ATP2A1: variants seen among roughly 807,000 people sequenced by gnomAD.
The protein encoded by ATP2A1 is ATPase sarcoplasmic/endoplasmic reticulum Ca2+ transporting 1, also known as sarcoplasmic/endoplasmic reticulum calcium ATPase 1.
Under a neutral mutation model 109.5 loss-of-function variants are expected in ATP2A1, and 83 were observed. The ratio of observed to expected loss-of-function variants is 0.76; its 90% CI spans 0.63 to 0.91. The LOEUF (loss-of-function observed/expected upper bound fraction) is 0.91. ATP2A1 is among the 40% of genes least tolerant of loss of function. The pLI, the probability that ATP2A1 is intolerant of heterozygous loss-of-function variation, is 0.00. For synonymous variants in ATP2A1, 505 were observed against 537.6 expected, an observed-to-expected ratio of 0.94 and a Z score of 0.84; for missense variants, 1,101 against 1,341.0, an observed-to-expected ratio of 0.82 and a Z score of 2.80.
At chr16:28,895,674 GAAAACA>G (rs1410305615) in intron 12 of ATP2A1, among the ~76,000 whole-genome samples, 3 of 149,088 alleles carry the variant, frequency 2.0e-5, no homozygotes, top group Admixed American at 6.7e-5. Flanking sequence ...AAAAAAAAAC[GAAAACA>G]AAAACAAAGA....
At position 28,900,907 on chromosome 16, in the gene ATP2A1, C is replaced by T. The variant is rs886051881; in HGVS notation, c.2091C>T (p.Ile697=). Residue 697 remains isoleucine, a synonymous_variant, in exon 15 of 23, where the codon ATC becomes ATT. Coordinates refer to ENST00000395503, the MANE Select transcript of ATP2A1 (RefSeq NM_004320.6). ...AGTACCTGCAGTCCTACGATGAGAT[C>T]ACAGCCATGGTGAGAGGGCCCAGGC... ...IVEYLQSYDE[I]TAMTGDGVND... is the part of the protein sequence containing the mutation. 1 of 1,614,158 alleles carries T rather than the reference C, an allele frequency of 6.2e-7. No individual in the cohort carries two copies. Among genetic ancestry groups the T allele is most frequent in the Admixed American group, 1.7e-5 (1 of 60,020 alleles).
intron 12 of ATP2A1, among the ~76,000 whole-genome samples, chr16:28,896,975 G>C (rs984958240): frequency 1.3e-5 from 2 of 151,896 alleles, no homozygotes; most frequent in African/African-American, 4.8e-5. Flanking sequence ...CAGCTACTTG[G>C]GGGGCTGAGG....
intron 4 of ATP2A1, among the ~76,000 whole-genome samples, chr16:28,881,766 C>T (rs530701939): frequency 6.7e-6 from 1 of 149,368 alleles, no homozygotes; most frequent in Non-Finnish European, 1.5e-5. Context: ...TGCACAATTG[C>T]ACTCCAGCAT....
Position 28,880,200 on chromosome 16 carries a change from C to T in ATP2A1, c.219+617C>T, listed in dbSNP as rs978928184. The stretch of plus-strand genomic sequence containing the variant: ...CCCGCAGGGCATCTCCAGGGCTCTG[C>T]CTCCTCTCCCGCCCTGGGGGCTACT... On this transcript the variant is annotated intron_variant, in intron 3 of 22. Transcript: ENST00000395503. This position sits in a 1 kb window ranked among gnomAD's most constrained non-coding sequence, Gnocchi z 4.2. 14 of 893,580 alleles carry T rather than the reference C, an allele frequency of 1.6e-5. No individual in the cohort carries two copies. The highest frequency in any genetic ancestry group is 3.6e-5 in the African/African-American group (2 of 55,110). The allele number at this position is 893,580 out of a possible 1,614,324, so 55.4% of individuals were successfully genotyped here.
chr16:28,894,446 T>G, intron 10 of ATP2A1, 59 bp from the exon 11 acceptor site: 1 of 1,530,980 alleles, frequency 6.5e-7, no homozygotes, highest in South Asian at 1.2e-5. Flanking sequence ...CCTCTCTGCA[T>G]CTCATTCCCT....
At chr16:28,900,502 C>T (rs1964040898) in intron 14 of ATP2A1, 79 bp from the exon 15 acceptor site, 4 of 644,292 alleles carry the variant, frequency 6.2e-6, no homozygotes, top group East Asian at 9.1e-5. Flanking sequence ...TTCACCCCAT[C>T]CCCACCCCCC....
At chr16:28,901,490 G>C (rs931132211) in intron 15 of ATP2A1, among the ~76,000 whole-genome samples, 2 of 152,094 alleles carry the variant, frequency 1.3e-5, no homozygotes, top group African/African-American at 4.8e-5. Context: ...AAAATTGGCC[G>C]TGCGTGGTGG....
chr16:28,903,694 C>A lies in ATP2A1; in HGVS notation c.2981-6C>A. On this transcript the variant is annotated splice_region_variant and splice_polypyrimidine_tract_variant and intron_variant, in intron 21 of 22. Coordinates refer to ENST00000395503, the MANE Select transcript of ATP2A1 (RefSeq NM_004320.6). The surrounding 1 kb of genome is among the most constrained non-coding windows in gnomAD (Gnocchi z 5.6). ...TAACAGTGCCTCTTGTCCTCTCTGG[C>A]CATAGGATAACTGTTCCCCCTCCTC... 6.2e-7 allele frequency: 1 copy of A among 1,613,198 alleles called. No homozygotes were observed. Among genetic ancestry groups the A allele is most frequent in the South Asian group, 1.1e-5 (1 of 91,054 alleles).
Position 28,887,555 on chromosome 16 carries a change from A to C in ATP2A1, c.761A>C (p.Asp254Ala), listed in dbSNP as rs771022358. 3 of 1,613,922 alleles carry C rather than the reference A, an allele frequency of 1.9e-6. No individual in the cohort carries two copies. Among genetic ancestry groups the C allele is most frequent in the Admixed American group, 1.7e-5 (1 of 59,982 alleles). ...AAGACCCCCTTGCAGCAGAAGCTGG[A>C]TGAGTTTGGGGAGCAGCTCTCCAAG... is the stretch of plus-strand genomic sequence containing the variant. ...QDKTPLQQKL[D>A]EFGEQLSKVI... is the part of the protein sequence containing the mutation. Residue 254 changes from aspartate (D) to alanine (A), a missense_variant, in exon 8 of 23, where the codon GAT becomes GCT. Coordinates refer to ENST00000395503, the MANE Select transcript of ATP2A1 (RefSeq NM_004320.6).
At position 28,903,644 on chromosome 16, in the gene ATP2A1, C is replaced by T. The variant is rs1964158841; in HGVS notation, c.2981-56C>T. The stretch of plus-strand genomic sequence containing the variant: ...TCCTCAGCCCCCACAGCCCCTATAG[C>T]CCCCATGCCACCTCCCTGCCTTGAT... On this transcript the variant is annotated intron_variant, in intron 21 of 22. Coordinates refer to ENST00000395503, the MANE Select transcript of ATP2A1 (RefSeq NM_004320.6). The surrounding 1 kb of genome is among the most constrained non-coding windows in gnomAD (Gnocchi z 5.6). 3 of 1,445,148 alleles carry T rather than the reference C, an allele frequency of 2.1e-6. No individual in the cohort carries two copies. Among genetic ancestry groups the T allele is most frequent in the African/African-American group, 2.8e-5 (2 of 71,562 alleles). The allele number at this position is 1,445,148 out of a possible 1,614,324, so 89.5% of individuals were successfully genotyped here.
chr16:28,887,723 G>A lies in ATP2A1; in HGVS notation c.928+1G>A. 1 of 1,613,832 alleles carries A rather than the reference G, an allele frequency of 6.2e-7. No individual in the cohort carries two copies. Among genetic ancestry groups the A allele is most frequent in the Non-Finnish European group, 8.5e-7 (1 of 1,180,026 alleles). On this transcript the variant is annotated splice_donor_variant, in intron 8 of 22. Coordinates refer to ENST00000395503, the MANE Select transcript of ATP2A1 (RefSeq NM_004320.6). LOFTEE classifies it high-confidence loss of function. ...TTGGCTGTGGCTGCCATCCCCGAAG[G>A]TATGAAAGCCTTTCTTTTCTCCTCC...
chr16:28,892,356 A>G, intron 9 of ATP2A1: 1 of 403,212 alleles, frequency 2.5e-6, no homozygotes, highest in South Asian at 1.8e-5. Context: ...TGCCCTTCAC[A>G]GAGTTTTGTG....
chr16:28,882,601 G>A lies in ATP2A1; in HGVS notation c.463+12G>A, dbSNP rs528973680. On this transcript the variant is annotated intron_variant, in intron 5 of 22. Transcript: ENST00000395503. ...CGTGGAGGTGGCTGGTGAGTGACAGGGACGGCTGGTCCAGGATGGGAGGCC... is the reference window on the plus strand; with the variant it reads ...CGTGGAGGTGGCTGGTGAGTGACAGAGACGGCTGGTCCAGGATGGGAGGCC... 1.2e-6 allele frequency: 2 copies of A among 1,613,928 alleles called. No individual in the cohort carries two copies. The highest frequency in any genetic ancestry group is 2.2e-5 in the East Asian group (1 of 44,870).
chr16:28,895,059 C>T, intron 12 of ATP2A1, 106 bp downstream of exon 12: 5 of 1,523,784 alleles, frequency 3.3e-6, no homozygotes, highest in Non-Finnish European at 3.6e-6. Flanking sequence ...TGTGCTGGGA[C>T]CCCACCCAGG....
Position 28,903,106 on chromosome 16 carries a change from A to G in ATP2A1, c.2821A>G (p.Met941Val). ...GCTGCTGGGCTCCATCTGCCTCTCC[A>G]TGTCCCTGCACTTCCTCATCCTCTA... ...IWLLGSICLS[M>V]SLHFLILYVD... Residue 941 changes from methionine to valine, a missense_variant, in exon 20 of 23, where the codon ATG (methionine) becomes GTG (valine). Met to Val is a conservative substitution (Grantham distance 21). Coordinates refer to ENST00000395503, the MANE Select transcript of ATP2A1 (RefSeq NM_004320.6). The surrounding 1 kb of genome is among the most constrained non-coding windows in gnomAD (Gnocchi z 5.6). 1 of 1,613,604 alleles carries G rather than the reference A, an allele frequency of 6.2e-7. No individual in the cohort carries two copies. The highest frequency in any genetic ancestry group is 8.5e-7 in the Non-Finnish European group (1 of 1,179,946).
At position 28,894,838 on chromosome 16, in the gene ATP2A1, A is replaced by C. The variant is rs1314010255; in HGVS notation, c.1304A>C (p.Glu435Ala). The C allele has an allele frequency of 1.3e-6, 2 of 1,531,450 alleles. No homozygotes were observed. Among genetic ancestry groups the C allele is most frequent in the African/African-American group, 3.5e-5 (2 of 56,680 alleles). The allele number at this position is 1,531,450 out of a possible 1,614,324, so 94.9% of individuals were successfully genotyped here. A position where few individuals can be genotyped will look rare whatever the true frequency, so the allele number is the denominator to read the frequency against. The change falls in exon 12 of 23, where the codon GAG becomes GCG. Residue 435 changes from glutamate to alanine, a missense_variant. Physicochemically the swap from Glu to Ala is moderately radical, Grantham distance 107 (BLOSUM62 -1). Transcript: ENST00000395503. Reference protein sequence around the residue: ...LDFNEAKGVYEKVGEATETAL... With the variant: ...LDFNEAKGVYAKVGEATETAL... Reference sequence around the variant, plus strand: ...CCATCTCAGGCCAAAGGTGTCTATGAGAAGGTCGGCGAGGCCACCGAGACA... The same window carrying C: ...CCATCTCAGGCCAAAGGTGTCTATGCGAAGGTCGGCGAGGCCACCGAGACA...
rs1307228789 is a variant in ATP2A1, at chr16:28,883,071, G to A, written c.463+482G>A. Among the ~76,000 whole-genome samples, 2 of 152,250 alleles carry A rather than the reference G, an allele frequency of 1.3e-5. No homozygotes were observed. The highest frequency in any genetic ancestry group is 4.8e-5 in the African/African-American group (2 of 41,470). On this transcript the variant is annotated intron_variant, in intron 5 of 22. Coordinates refer to ENST00000395503, the MANE Select transcript of ATP2A1 (RefSeq NM_004320.6). The surrounding 1 kb of genome is among the most constrained non-coding windows in gnomAD (Gnocchi z 5.2). ...ACCATGTAAGGGAAACTCAGGCCTG[G>A]CACAGAGCACGCGACCGGGGAGGAG... is the stretch of plus-strand genomic sequence containing the variant.
intron 9 of ATP2A1, chr16:28,892,325 T>G (rs1250852429): frequency 2.6e-6 from 1 of 382,190 alleles, no homozygotes; most frequent in South Asian, 2.0e-5. Flanking sequence ...GGTCTTCCAC[T>G]GACCTCAGGC....
In ATP2A1 at chr16:28,894,488, CCT is replaced by C. The variant is rs778749081; in HGVS notation, c.1185-16_1185-15del. 3.1e-6 allele frequency: 5 copies of C among 1,611,850 alleles called. No individual in the cohort carries two copies. The highest frequency in any genetic ancestry group is 2.2e-5 in the East Asian group (1 of 44,828). On this transcript the variant is annotated splice_polypyrimidine_tract_variant and intron_variant, in intron 10 of 22. Transcript: ENST00000395503. ...CTCCACTGTCTCTGTCCCTTCCTCC[CCT>C]GACCCTGCTGCCAGCTTGAAGAATG...
Sources: gnomAD v4.1 joint callset for allele counts (sites outside exome capture counted in the v4.1 genomes callset) on GRCh38, gnomAD v4.1.1 for gene constraint, Gnocchi (gnomAD v3.1) non-coding constraint, MANE v1.5 for transcripts, NCBI Gene and HGNC (gene_info 2026-07-23, HGNC 2026-07-21) for gene names.